GLDN: variants seen among roughly 807,000 people sequenced by gnomAD.
GLDN encodes the protein collomin.
GLDN carries 47 observed loss-of-function variants against 56.5 expected under a neutral mutation model. The ratio of observed to expected loss-of-function variants is 0.83; its 90% confidence interval spans 0.66 to 1.06. The LOEUF (loss-of-function observed/expected upper bound fraction) is 1.06, where lower values mean the gene tolerates loss of function less well. Among genes scored for constraint, GLDN ranks in the 50% least tolerant of loss-of-function variants. The pLI is 0.00. For missense variants in GLDN, 782 were observed against 714.3 expected, an observed-to-expected ratio of 1.09 and a Z score of -1.08; for synonymous variants, 332 against 278.8, an observed-to-expected ratio of 1.19 and a Z score of -1.90.
intron 1 of GLDN, among the ~76,000 whole-genome samples, chr15:51,366,765 G>T (rs549757568): frequency 6.6e-6 from 1 of 152,166 alleles, no homozygotes; most frequent in East Asian, 1.9e-4. Context: ...TTAAAAACTA[G>T]CCAGGCATGG....
intron 1 of GLDN, among the ~76,000 whole-genome samples, chr15:51,351,707 C>G (rs1193691014): frequency 1.3e-5 from 2 of 152,220 alleles, no homozygotes; most frequent in Non-Finnish European, 2.9e-5. Flanking sequence ...CTCAAGCAAC[C>G]TGGGATCTTT....
intron 1 of GLDN, among the ~76,000 whole-genome samples, chr15:51,355,740 G>T (rs2037166636): frequency 6.7e-6 from 1 of 149,416 alleles, no homozygotes; most frequent in African/African-American, 2.4e-5. Context: ...AGCCGGGATG[G>T]TCTTGATCTC....
At chr15:51,383,974 C>T (rs950373033) in intron 4 of GLDN, 82 bp downstream of exon 4, 1 of 1,052,338 alleles carries the variant, frequency 9.5e-7, no homozygotes, top group African/African-American at 1.6e-5. Flanking sequence ...CTGTGTGCAG[C>T]AGGGGTAAGG....
At chr15:51,386,023 G>T (rs773545314) in intron 4 of GLDN, among the ~76,000 whole-genome samples, 4 of 152,158 alleles carry the variant, frequency 2.6e-5, no homozygotes, top group African/African-American at 9.7e-5. Context: ...AAGGGAAGAG[G>T]CTGGAGCAGA....
intron 1 of GLDN, among the ~76,000 whole-genome samples, chr15:51,354,045 C>T (rs184251118): frequency 9.6e-4 from 146 of 152,256 alleles, no homozygotes; most frequent in Non-Finnish European, 1.4e-3. Flanking sequence ...AAGTTGAAGA[C>T]ACACTTTTCT....
chr15:51,409,738 G>A (rs1222499525), downstream of GLDN, among the ~76,000 whole-genome samples: 31 of 152,212 alleles, frequency 2.0e-4, no homozygotes, highest in Non-Finnish European at 2.9e-5. Flanking sequence ...AGTGAGACCA[G>A]AGGAGATTCA....
intron 1 of GLDN, among the ~76,000 whole-genome samples, chr15:51,363,224 T>C (rs1265558646): frequency 6.6e-6 from 1 of 152,180 alleles, no homozygotes; most frequent in African/African-American, 2.4e-5. Context: ...AGCATGATAT[T>C]ATTCATTACT....
At chr15:51,400,568 G>A (rs1595840636) in intron 8 of GLDN, 70 bp downstream of exon 8, 2 of 1,513,100 alleles carry the variant, frequency 1.3e-6, no homozygotes, top group East Asian at 4.5e-5. Flanking sequence ...CTACCTTTGG[G>A]CGTATTCCAT....
rs191787979 is a variant in GLDN at position 51,370,883 on chromosome 15, T to C, written c.364-6566T>C. On this transcript the variant is annotated intron_variant, in intron 1 of 9. Coordinates refer to ENST00000335449, the MANE Select transcript of GLDN (RefSeq NM_181789.4). ...GGTGTGCACCTATAGTCCTAGCTAC[T>C]TGGAAGGCTGAGGCAGGAGAATTGC... Among the ~76,000 whole-genome samples, 14 of 152,220 alleles carry C rather than the reference T, an allele frequency of 9.2e-5. No homozygotes were observed. In the South Asian group the frequency reaches 1.5e-3, roughly 16 times the overall value.
intron 1 of GLDN, among the ~76,000 whole-genome samples, chr15:51,348,097 C>T (rs866325387): frequency 2.0e-5 from 3 of 152,114 alleles, no homozygotes; most frequent in Non-Finnish European, 4.4e-5. Context: ...GACTGTGTTA[C>T]TCTCTTCTTT....
At chr15:51,395,310 C>A (rs1213021485) in intron 5 of GLDN, among the ~76,000 whole-genome samples, 1 of 152,210 alleles carries the variant, frequency 6.6e-6, no homozygotes, top group African/African-American at 2.4e-5. Context: ...ACTTACGACA[C>A]CTCAGAGGAC....
At chr15:51,373,238 G>C (rs189069954) in intron 1 of GLDN, among the ~76,000 whole-genome samples, 122 of 152,312 alleles carry the variant, frequency 8.0e-4, no homozygotes, top group Non-Finnish European at 1.5e-3. Flanking sequence ...CTCAGTATCT[G>C]TGGGGGATTG....
At chr15:51,396,252 C>T (rs1045927304) in intron 5 of GLDN, among the ~76,000 whole-genome samples, 1 of 152,230 alleles carries the variant, frequency 6.6e-6, no homozygotes, top group Admixed American at 6.5e-5. Context: ...AAGAACAAAG[C>T]TCTGGGTTGG....
intron 1 of GLDN, among the ~76,000 whole-genome samples, chr15:51,370,635 T>TAA (rs61086666): frequency 0.012 from 1,810 of 147,276 alleles, 10 homozygotes; most frequent in Non-Finnish European, 0.017. Context: ...CACAGAAAAG[T>TAA]AAAAAAAAAA....
chr15:51,346,040 T>C (rs1422956525), intron 1 of GLDN, among the ~76,000 whole-genome samples: 1 of 152,230 alleles, frequency 6.6e-6, no homozygotes, highest in Non-Finnish European at 1.5e-5. Context: ...ACCACTCTTG[T>C]AGAACAGAAA....
chr15:51,355,979 G>A (rs921336004), intron 1 of GLDN, among the ~76,000 whole-genome samples: 7 of 150,080 alleles, frequency 4.7e-5, no homozygotes, highest in African/African-American at 1.2e-4. Context: ...AGGCCAAGGC[G>A]GGCGGATCAC....
downstream of GLDN, among the ~76,000 whole-genome samples, chr15:51,410,631 A>G (rs1351200107): frequency 6.6e-6 from 1 of 152,160 alleles, no homozygotes; most frequent in Non-Finnish European, 1.5e-5. Context: ...ACTAAACTCC[A>G]TCTCAGAGTT....
chr15:51,361,979 T>C (rs2037309252), intron 1 of GLDN, among the ~76,000 whole-genome samples: 1 of 151,866 alleles, frequency 6.6e-6, no homozygotes, highest in African/African-American at 2.4e-5. Flanking sequence ...GGAGGGGTAA[T>C]AGGAAGCTGT....
chr15:51,394,918 C>A lies in GLDN; in HGVS notation c.625C>A (p.Pro209Thr), dbSNP rs941916268. Residue 209 changes from proline to threonine, a missense_variant, in exon 5 of 10, where the codon CCA becomes ACA. Transcript: ENST00000335449. Reference sequence around the variant, plus strand: ...ACTGGGCCTGCAGGGAAATGAGGGCCCACCAGGGCAGAAGGGAGAAAAGGG... The same window carrying A: ...ACTGGGCCTGCAGGGAAATGAGGGCACACCAGGGCAGAAGGGAGAAAAGGG... ...GELGLQGNEG[P>T]PGQKGEKGDK... The A allele has an allele frequency of 8.1e-6, 13 of 1,612,450 alleles. No homozygotes were observed. Among genetic ancestry groups the A allele is most frequent in the Non-Finnish European group, 1.1e-5 (13 of 1,179,242 alleles).
Sources: allele counts gnomAD v4.1 joint callset (sites outside exome capture counted in the v4.1 genomes callset), GRCh38; gene constraint gnomAD v4.1.1; transcripts MANE v1.5; gene names NCBI Gene and HGNC (gene_info 2026-07-23, HGNC 2026-07-21).